The following ADGRL2 variants were observed in gnomAD, a reference collection of about 807,000 sequenced individuals.
ADGRL2 encodes calcium-independent alpha-latrotoxin receptor 2.
A neutral mutation model predicts 157.4 loss-of-function variants in ADGRL2; 44 were observed. The ratio of observed to expected loss-of-function variants is 0.28; its 90% CI spans 0.22 to 0.36. The LOEUF (loss-of-function observed/expected upper bound fraction) is 0.36, where lower values mean the gene tolerates loss of function less well. Among genes scored for constraint, ADGRL2 ranks in the 10% least tolerant of loss-of-function variants. ADGRL2 has a pLI of 1.00. For missense variants in ADGRL2, 1,510 were observed against 1,768.9 expected (o/e 0.85, Z 2.63); for synonymous variants, 585 against 624.7 (o/e 0.94, Z 0.95).
At chr1:81,599,212 A>G (rs1394503410) in intron 3 of ADGRL2, among the ~76,000 whole-genome samples, 2 of 152,048 alleles carry the variant, frequency 1.3e-5, no homozygotes, top group Admixed American at 6.5e-5. Context: ...CCACACCCCA[A>G]CACTCATATT....
chr1:81,374,624 G>T (rs150033912), intron 1 of ADGRL2, among the ~76,000 whole-genome samples: 87 of 149,734 alleles, frequency 5.8e-4, no homozygotes, highest in Non-Finnish European at 1.1e-3. Flanking sequence ...GAAATGAGTA[G>T]GGCAAGTCCG....
At chr1:81,439,550 G>A (rs1160365290) in intron 1 of ADGRL2, among the ~76,000 whole-genome samples, 1 of 152,244 alleles carries the variant, frequency 6.6e-6, no homozygotes, top group Non-Finnish European at 1.5e-5. Flanking sequence ...GCAAGTGAGT[G>A]CAGGATCTGT....
chr1:81,359,754 G>T (rs1010075263), intron 1 of ADGRL2, among the ~76,000 whole-genome samples: 1 of 151,680 alleles, frequency 6.6e-6, no homozygotes, highest in African/African-American at 2.4e-5. Context: ...CTACATAAAT[G>T]CATTACCACC....
At chr1:81,647,073 A>G (rs2082329031) in intron 3 of ADGRL2, among the ~76,000 whole-genome samples, 1 of 152,250 alleles carries the variant, frequency 6.6e-6, no homozygotes, top group African/African-American at 2.4e-5. Flanking sequence ...GTATCAGCTC[A>G]AAGAAATTGA....
chr1:81,578,667 T>A (rs1478690577), intron 2 of ADGRL2, among the ~76,000 whole-genome samples: 1 of 152,092 alleles, frequency 6.6e-6, no homozygotes, highest in African/African-American at 2.4e-5. Context: ...TGATAGTATT[T>A]AAAAAAATTT....
intron 3 of ADGRL2, among the ~76,000 whole-genome samples, chr1:81,692,664 A>T (rs1454111690): frequency 3.3e-5 from 5 of 152,214 alleles, no homozygotes; most frequent in Non-Finnish European, 5.9e-5. Context: ...AGATGATTTG[A>T]TCTTTTTAAT....
intron 2 of ADGRL2, among the ~76,000 whole-genome samples, chr1:81,465,068 T>G (rs1278686669): frequency 6.6e-6 from 1 of 152,032 alleles, no homozygotes; most frequent in African/African-American, 2.4e-5. Flanking sequence ...GATACTGTGT[T>G]GTCGGTGGTC....
chr1:81,501,241 T>G (rs17453965), intron 2 of ADGRL2, among the ~76,000 whole-genome samples: 18,045 of 152,308 alleles, frequency 0.12, 1,250 homozygotes, highest in South Asian at 0.19. Context: ...ATACACAACA[T>G]AGCATTTTAG....
intron 3 of ADGRL2, among the ~76,000 whole-genome samples, chr1:81,680,839 C>A (rs1175084624): frequency 6.6e-6 from 1 of 152,002 alleles, no homozygotes; most frequent in Non-Finnish European, 1.5e-5. Flanking sequence ...TTTCCTGCTC[C>A]TTGATAAAAC....
chr1:81,867,014 T>G (rs1366888639), intron 2 of ADGRL2, among the ~76,000 whole-genome samples: 1 of 152,116 alleles, frequency 6.6e-6, no homozygotes, highest in Non-Finnish European at 1.5e-5. Flanking sequence ...TACTGGAATA[T>G]AAGTTATCTG....
intron 2 of ADGRL2, among the ~76,000 whole-genome samples, chr1:81,482,870 A>G (rs1436861765): frequency 6.6e-6 from 1 of 151,568 alleles, no homozygotes; most frequent in Non-Finnish European, 1.5e-5. Context: ...TATTAGCTAT[A>G]TCCTTATATT....
intron 2 of ADGRL2, among the ~76,000 whole-genome samples, chr1:81,556,219 G>A (rs1003825851): frequency 6.6e-6 from 1 of 151,082 alleles, no homozygotes; most frequent in African/African-American, 2.4e-5. Context: ...AAACAAGAGC[G>A]AATTTACATA....
At chr1:81,390,551 A>AGATGTGAACATGATAG (rs1432627231) in intron 1 of ADGRL2, among the ~76,000 whole-genome samples, 433 of 149,796 alleles carry the variant, frequency 2.9e-3, no homozygotes, top group Non-Finnish European at 4.1e-3. Flanking sequence ...GATAGATAAT[A>AGATGTGAACATGATAG]ATGTGAACAG....
chr1:81,943,797 T>C lies in ADGRL2; in HGVS notation c.1210+28T>C, dbSNP rs1156860462. 3 of 1,526,952 alleles carry C rather than the reference T, an allele frequency of 2.0e-6. No individual in the cohort carries two copies. The highest frequency in any genetic ancestry group is 1.4e-5 in the African/African-American group (1 of 71,752). The allele number at this position is 1,526,952 out of a possible 1,614,324, so 94.6% of individuals were successfully genotyped here. A position where few individuals can be genotyped will look rare whatever the true frequency, so the allele number is the denominator to read the frequency against. On this transcript the variant is annotated intron_variant, in intron 6 of 23. Transcript: ENST00000686636. This position sits in a 1 kb window ranked among gnomAD's most constrained non-coding sequence, Gnocchi z 5.6. ...AAGCGTGTTTACTTGCTAATGCTTA[T>C]GTCATTTTGTGAAAAGCATTTTTCT...
intron 3 of ADGRL2, among the ~76,000 whole-genome samples, chr1:81,654,125 T>C (rs1193351417): frequency 6.6e-6 from 1 of 151,998 alleles, no homozygotes; most frequent in African/African-American, 2.4e-5. Flanking sequence ...TTTGTATTTT[T>C]AGTAGAGATG....
rs115795576 is a variant in ADGRL2, at chr1:81,348,913, A to G, written c.-302+42404A>G. Among the ~76,000 whole-genome samples the G allele has an allele frequency of 4.7e-3, 710 of 152,304 alleles. 6 individuals carry two copies. Among genetic ancestry groups the G allele is most frequent in the African/African-American group, 0.017 (692 of 41,558 alleles). On this transcript the variant is annotated intron_variant, in intron 1 of 24. Transcript: ENST00000370721. ...TTAATGATTCCTGTTCAGAGTAGCA[A>G]AAGCTATTATGCATTCACTGATTTT...
chr1:81,749,304 A>AT (rs1454081963), intron 1 of ADGRL2, among the ~76,000 whole-genome samples: 4 of 152,304 alleles, frequency 2.6e-5, no homozygotes, highest in African/African-American at 9.6e-5. Flanking sequence ...TGAGAAGAAT[A>AT]TATTTCTCAT....
chr1:81,861,241 G>A lies in ADGRL2; in HGVS notation c.73+24184G>A, dbSNP rs529896922. ...TCACCACATTGGCCAGGCTGGTTTC[G>A]AACTCCTGACCTCAGATGATCCACC... On this transcript the variant is annotated intron_variant, in intron 2 of 23. Coordinates refer to ENST00000686636, the MANE Select transcript of ADGRL2 (RefSeq NM_001366006.2). Among the ~76,000 whole-genome samples the A allele has an allele frequency of 3.3e-5, 5 of 152,096 alleles. No individual in the cohort carries two copies. The East Asian group carries it at 5.8e-4, about 18-fold the overall frequency.
At chr1:81,825,558 T>A in intron 1 of ADGRL2, among the ~76,000 whole-genome samples, 1 of 150,544 alleles carries the variant, frequency 6.6e-6, no homozygotes, top group East Asian at 2.0e-4. Flanking sequence ...TTGGCCAAGA[T>A]GGTCTCGATC....
Sources: gnomAD v4.1 joint callset for allele counts (sites outside exome capture counted in the v4.1 genomes callset) on GRCh38, gnomAD v4.1.1 for gene constraint, Gnocchi (gnomAD v3.1) non-coding constraint, MANE v1.5 for transcripts, NCBI Gene and HGNC (gene_info 2026-07-23, HGNC 2026-07-21) for gene names.